Variants in SLC9C2 observed in about 807,000 individuals in gnomAD.
SLC9C2 encodes the protein solute carrier family 9 member C2 (putative), also known as sodium/hydrogen exchanger 11.
In SLC9C2, 75 loss-of-function variants were observed where a neutral mutation model predicts 140.2. The ratio of observed to expected loss-of-function variants is 0.53; its 90% confidence interval spans 0.44 to 0.65. SLC9C2 has a LOEUF of 0.65. SLC9C2 is among the 30% of genes least tolerant of loss of function. SLC9C2 has a pLI of 0.00. For synonymous variants in SLC9C2, 375 were observed against 420.9 expected (o/e 0.89, Z 1.34); for missense variants, 1,074 against 1,331.8 (o/e 0.81, Z 3.01).
chr1:173,536,003 T>C (rs1488837638), intron 14 of SLC9C2, 54 bp from the exon 15 acceptor site: 4 of 1,423,918 alleles, frequency 2.8e-6, no homozygotes, highest in South Asian at 1.3e-5. Flanking sequence ...TGCTATACTT[T>C]GGGTTAATAT....
At chr1:173,549,096 T>C (rs1009201756) in intron 11 of SLC9C2, among the ~76,000 whole-genome samples, 1 of 152,224 alleles carries the variant, frequency 6.6e-6, no homozygotes, top group African/African-American at 2.4e-5. Context: ...TTTCTTGAGG[T>C]ATGAACTACA....
At chr1:173,516,127 G>T (rs1181482179) in intron 23 of SLC9C2, among the ~76,000 whole-genome samples, 1 of 152,032 alleles carries the variant, frequency 6.6e-6, no homozygotes, top group Admixed American at 6.6e-5. Context: ...CCTATTGGAG[G>T]GTATCACCCA....
In SLC9C2 at chr1:173,535,759, TAAGCTATTATGAC is replaced by T. The variant is rs890706140; in HGVS notation, c.1775+58_1775+70del. ...TTTTCTCAAATAAGGAAAATTGAGA[TAAGCTATTATGAC>T]AATGTAGAAATGGTAGTATTTTCAA... On this transcript the variant is annotated intron_variant, in intron 15 of 27. Transcript: ENST00000367714. 7 of 1,399,886 alleles carry T rather than the reference TAAGCTATTATGAC, an allele frequency of 5.0e-6. No homozygotes were observed. In the African/African-American group the frequency reaches 1.1e-4, roughly 21 times the overall value. The allele number at this position is 1,399,886 out of a possible 1,614,324, so 86.7% of individuals were successfully genotyped here.
At chr1:173,563,096 A>C (rs1246794328) in intron 9 of SLC9C2, among the ~76,000 whole-genome samples, 1 of 151,726 alleles carries the variant, frequency 6.6e-6, no homozygotes, top group Non-Finnish European at 1.5e-5. Flanking sequence ...GGGGGCCAGG[A>C]TGAAGGGCAG....
At chr1:173,547,164 T>C (rs1662908935) in intron 13 of SLC9C2, among the ~76,000 whole-genome samples, 2 of 152,222 alleles carry the variant, frequency 1.3e-5, no homozygotes, top group Admixed American at 1.3e-4. Flanking sequence ...TAACTCCAGT[T>C]TAAAATGTAC....
chr1:173,502,513 G>A (rs766515397), intron 27 of SLC9C2, among the ~76,000 whole-genome samples: 1 of 152,068 alleles, frequency 6.6e-6, no homozygotes, highest in South Asian at 2.1e-4. Context: ...AGCCCTGCAG[G>A]CTGCCCCACC....
chr1:173,546,626 G>GA (rs1358982038), intron 13 of SLC9C2, among the ~76,000 whole-genome samples: 1 of 151,856 alleles, frequency 6.6e-6, no homozygotes, highest in Non-Finnish European at 1.5e-5. Flanking sequence ...TTCTTCAACA[G>GA]AAAAAAATGA....
At chr1:173,594,900 T>TTTTTTG (rs1034171229) in intron 4 of SLC9C2, among the ~76,000 whole-genome samples, 2 of 152,076 alleles carry the variant, frequency 1.3e-5, no homozygotes, top group South Asian at 2.1e-4. Flanking sequence ...GGTTGTTTTG[T>TTTTTTG]TTTTTGTTTT....
At chr1:173,568,439 T>C (rs1664633525) in intron 9 of SLC9C2, among the ~76,000 whole-genome samples, 2 of 152,184 alleles carry the variant, frequency 1.3e-5, no homozygotes, top group African/African-American at 2.4e-5. Flanking sequence ...ACTCTATCCA[T>C]GTTCCACAAA....
chr1:173,524,923 G>GAGTA lies in SLC9C2; in HGVS notation c.2366_2369dup (p.Met791ThrfsTer5). Reference sequence around the variant, plus strand: ...CAACATCACGACCCTCATGCTCCATGAGTACTACAGCAAAGAAAATAAAAT... The same window carrying GAGTA: ...CAACATCACGACCCTCATGCTCCATGAGTAAGTACTACAGCAAAGAAAATAAAAT... On this transcript the variant is annotated frameshift_variant, in exon 20 of 28. Coordinates refer to ENST00000367714, the MANE Select transcript of SLC9C2 (RefSeq NM_178527.4). LOFTEE classifies it high-confidence loss of function. The GAGTA allele has an allele frequency of 6.2e-7, 1 of 1,613,816 alleles. No homozygotes were observed. The highest frequency in any genetic ancestry group is 8.5e-7 in the Non-Finnish European group (1 of 1,179,848).
At chr1:173,516,766 C>T (rs1227389123) in intron 23 of SLC9C2, among the ~76,000 whole-genome samples, 1 of 152,288 alleles carries the variant, frequency 6.6e-6, no homozygotes, top group African/African-American at 2.4e-5. Context: ...AATAGTGCTG[C>T]AGTGAACATA....
At chr1:173,534,215 G>A (rs1040434870) in intron 16 of SLC9C2, among the ~76,000 whole-genome samples, 6 of 152,024 alleles carry the variant, frequency 3.9e-5, no homozygotes, top group African/African-American at 1.2e-4. Flanking sequence ...TGAGGGAAAC[G>A]TCCATGTCTG....
chr1:173,577,792 G>A (rs1008423181), intron 7 of SLC9C2, among the ~76,000 whole-genome samples: 9 of 152,134 alleles, frequency 5.9e-5, no homozygotes, highest in Non-Finnish European at 1.5e-5. Flanking sequence ...TTGTTGCTTA[G>A]TAAATTAATA....
chr1:173,520,912 C>T (rs1311142015), intron 22 of SLC9C2, among the ~76,000 whole-genome samples: 1 of 150,482 alleles, frequency 6.6e-6, no homozygotes, highest in African/African-American at 2.4e-5. Context: ...ATCTCTCTCC[C>T]TCTCTCTCTC....
Position 173,548,593 on chromosome 1 carries a change from T to C in SLC9C2, c.1298-41A>G, listed in dbSNP as rs767924317. ...AAGCAAAGGCCTTAATAGAGTACAG[T>C]GAGGACTGCAAGGGAAAGCAAAAAA... On this transcript the variant is annotated intron_variant, in intron 11 of 27. Transcript: ENST00000367714. 12 of 1,609,622 alleles carry C rather than the reference T, an allele frequency of 7.5e-6. 1 individual carries two copies. The Admixed American group carries it at 1.8e-4, about 25-fold the overall frequency.
intron 19 of SLC9C2, among the ~76,000 whole-genome samples, chr1:173,525,886 C>G (rs1176763944): frequency 6.6e-6 from 1 of 152,204 alleles, no homozygotes; most frequent in Non-Finnish European, 1.5e-5. Flanking sequence ...CATGGGTTTT[C>G]TGAGATAATG....
At chr1:173,591,359 C>A (rs1466485810) in intron 4 of SLC9C2, among the ~76,000 whole-genome samples, 1 of 151,978 alleles carries the variant, frequency 6.6e-6, no homozygotes, top group Non-Finnish European at 1.5e-5. Context: ...ATCTTCACGG[C>A]AGAATGATTT....
intron 23 of SLC9C2, among the ~76,000 whole-genome samples, chr1:173,517,127 C>T (rs1217994994): frequency 6.6e-6 from 1 of 152,142 alleles, no homozygotes; most frequent in Non-Finnish European, 1.5e-5. Flanking sequence ...TGAAAAGTAT[C>T]TGTTCATATA....
At chr1:173,598,768 A>G (rs1480952535) in intron 3 of SLC9C2, among the ~76,000 whole-genome samples, 1 of 152,248 alleles carries the variant, frequency 6.6e-6, no homozygotes, top group Non-Finnish European at 1.5e-5. Context: ...ATTAATAAAT[A>G]CAAAGCACTT....
Sources: allele counts gnomAD v4.1 joint callset (sites outside exome capture counted in the v4.1 genomes callset), GRCh38; gene constraint gnomAD v4.1.1; transcripts MANE v1.5; gene names NCBI Gene and HGNC (gene_info 2026-07-23, HGNC 2026-07-21).